ACO2: variants seen among roughly 807,000 people sequenced by gnomAD.
The protein encoded by ACO2 is aconitate hydratase, mitochondrial.
A neutral mutation model predicts 84.5 loss-of-function variants in ACO2; 31 were observed. The ratio of observed to expected loss-of-function variants is 0.37; its 90% CI spans 0.28 to 0.50. The LOEUF (loss-of-function observed/expected upper bound fraction) is 0.50. ACO2 is among the 20% of genes least tolerant of loss of function. ACO2 has a pLI of 0.97. For synonymous variants in ACO2, 414 were observed against 412.7 expected, an observed-to-expected ratio of 1.00 and a Z score of -0.04; for missense variants, 685 against 1,029.3, an observed-to-expected ratio of 0.67 and a Z score of 4.58.
At chr22:41,504,084 CG>C (rs1384329826) in intron 2 of ACO2, among the ~76,000 whole-genome samples, 5 of 152,238 alleles carry the variant, frequency 3.3e-5, no homozygotes, top group African/African-American at 1.2e-4. Context: ...GGCATGGTGG[CG>C]AGCGCCTGTA....
chr22:41,519,470 T>G (rs939489602), intron 8 of ACO2, among the ~76,000 whole-genome samples: 1 of 152,182 alleles, frequency 6.6e-6, no homozygotes, highest in African/African-American at 2.4e-5. Context: ...TACTGATGAT[T>G]ATGATATGTA....
chr22:41,482,484 T>A (rs2038100664), intron 1 of ACO2, among the ~76,000 whole-genome samples: 1 of 152,374 alleles, frequency 6.6e-6, no homozygotes, highest in South Asian at 2.1e-4. Context: ...AGGTGATAGT[T>A]ACTCCAAAAC....
chr22:41,481,175 A>G (rs1238220318), intron 1 of ACO2, among the ~76,000 whole-genome samples: 1 of 152,166 alleles, frequency 6.6e-6, no homozygotes, highest in East Asian at 1.9e-4. Context: ...GAGGTAAAGA[A>G]TCTTACCTGA....
intron 2 of ACO2, among the ~76,000 whole-genome samples, chr22:41,503,414 T>C (rs1250275777): frequency 6.6e-6 from 1 of 152,106 alleles, no homozygotes; most frequent in Non-Finnish European, 1.5e-5. Flanking sequence ...CACTGCAACC[T>C]CTGCCTCCCA....
In ACO2 at chr22:41,523,849, G is replaced by C; in HGVS notation, c.1390G>C (p.Glu464Gln). 1 of 1,612,198 alleles carries C rather than the reference G, an allele frequency of 6.2e-7. No homozygotes were observed. Among genetic ancestry groups the C allele is most frequent in the South Asian group, 1.1e-5 (1 of 90,988 alleles). ...TGGCAGGAAGGACATCAAGAAGGGG[G>C]AGAAGAACACAATCGTCACCTCCTA... The part of the protein sequence containing the change: ...QWDRKDIKKG[E>Q]KNTIVTSYNR... The change falls in exon 12 of 18, where the codon GAG becomes CAG. Residue 464 changes from glutamate (E) to glutamine (Q), a missense_variant. By Grantham distance (29) the Glu-to-Gln change is conservative. Transcript: ENST00000216254.
intron 1 of ACO2, among the ~76,000 whole-genome samples, chr22:41,471,225 A>G (rs2037942626): frequency 6.6e-6 from 1 of 152,178 alleles, no homozygotes. Context: ...AGGTGGAAAA[A>G]TCTAAGACCT....
intron 1 of ACO2, among the ~76,000 whole-genome samples, chr22:41,477,155 T>TATTG (rs1001194601): frequency 6.7e-6 from 1 of 149,642 alleles, no homozygotes; most frequent in African/African-American, 2.5e-5. Context: ...TTTATTTATT[T>TATTG]ATTTATTTAT....
At chr22:41,520,349 C>T (rs2066513453) in intron 9 of ACO2, 73 bp downstream of exon 9, 2 of 1,189,958 alleles carry the variant, frequency 1.7e-6, no homozygotes, top group Admixed American at 4.0e-5. Flanking sequence ...TAGACAATCA[C>T]CTATGCCTAC....
chr22:41,504,570 A>G (rs1359922248), intron 2 of ACO2, among the ~76,000 whole-genome samples: 1 of 152,084 alleles, frequency 6.6e-6, no homozygotes, highest in Non-Finnish European at 1.5e-5. Context: ...AGGGGCTGTG[A>G]GTCATTGCCC....
At chr22:41,475,169 CTTTTTTTT>C (rs1161178390) in intron 1 of ACO2, among the ~76,000 whole-genome samples, 6 of 120,258 alleles carry the variant, frequency 5.0e-5, no homozygotes, top group South Asian at 5.5e-4. Flanking sequence ...TTGTTTTTTC[CTTTTTTTT>C]TTTTTTTTTT....
intron 2 of ACO2, among the ~76,000 whole-genome samples, chr22:41,506,212 T>C (rs2066391801): frequency 2.6e-5 from 4 of 151,902 alleles, no homozygotes. Context: ...CTCAGCCTCC[T>C]GCGTAGTTGG....
intron 1 of ACO2, among the ~76,000 whole-genome samples, chr22:41,476,338 C>T (rs368147013): frequency 2.4e-4 from 35 of 146,322 alleles, no homozygotes; most frequent in African/African-American, 8.2e-4. Flanking sequence ...ACCTGGGAGG[C>T]GGAGGTTGTA....
intron 2 of ACO2, among the ~76,000 whole-genome samples, chr22:41,502,149 C>A (rs2066358048): frequency 6.6e-6 from 1 of 152,186 alleles, no homozygotes; most frequent in South Asian, 2.1e-4. Flanking sequence ...TGGGTTTCTT[C>A]TGGGCTCCAT....
intron 2 of ACO2, among the ~76,000 whole-genome samples, chr22:41,503,202 C>T (rs1421272289): frequency 6.6e-6 from 1 of 152,004 alleles, no homozygotes; most frequent in African/African-American, 2.4e-5. Flanking sequence ...CAATATTTTT[C>T]CTTGCTTACT....
intron 1 of ACO2, among the ~76,000 whole-genome samples, chr22:41,482,256 A>AC (rs1205796503): frequency 6.6e-6 from 1 of 152,040 alleles, no homozygotes; most frequent in Non-Finnish European, 1.5e-5. Context: ...GGGACCAACA[A>AC]CCCCCTGGAG....
intron 1 of ACO2, among the ~76,000 whole-genome samples, chr22:41,497,570 A>G (rs1051077190): frequency 8.6e-5 from 13 of 151,510 alleles, no homozygotes; most frequent in African/African-American, 2.9e-4. Context: ...GTGAGACCCT[A>G]TCACTACAAA....
chr22:41,482,323 G>A (rs2038097739), intron 1 of ACO2, among the ~76,000 whole-genome samples: 1 of 152,242 alleles, frequency 6.6e-6, no homozygotes, highest in Admixed American at 6.5e-5. Flanking sequence ...ACTGTCGGTA[G>A]CACAGGGAGA....
intron 2 of ACO2, among the ~76,000 whole-genome samples, chr22:41,501,248 C>T (rs934282122): frequency 2.0e-5 from 3 of 151,864 alleles, no homozygotes; most frequent in Admixed American, 2.0e-4. Context: ...ACTGTTCTCC[C>T]ACCGTGGTCT....
chr22:41,519,296 C>T (rs749927181), intron 8 of ACO2, among the ~76,000 whole-genome samples: 2 of 152,238 alleles, frequency 1.3e-5, no homozygotes, highest in Admixed American at 6.5e-5. Flanking sequence ...CACCTCGGCT[C>T]TGCCACTTAA....
Sources: gnomAD v4.1 joint callset for allele counts (sites outside exome capture counted in the v4.1 genomes callset) on GRCh38, gnomAD v4.1.1 for gene constraint, MANE v1.5 for transcripts, NCBI Gene and HGNC (gene_info 2026-07-23, HGNC 2026-07-21) for gene names.